OXR1: variants seen among roughly 807,000 people sequenced by gnomAD.
The protein encoded by OXR1 is oxidation resistance 1.
A neutral mutation model predicts 104.6 loss-of-function variants in OXR1; 41 were observed. That is an observed-to-expected ratio of 0.39 (90% CI 0.31 to 0.51). The LOEUF is 0.51. Ranked by LOEUF, OXR1 falls within the 20% of genes least tolerant of loss-of-function variation. The pLI is 0.77. For missense variants in OXR1, 955 were observed against 1,031.9 expected (o/e 0.93, Z 1.02); for synonymous variants, 348 against 348.4 (o/e 1.00, Z 0.01).
chr8:106,303,228 T>G (rs1449727313), intron 1 of OXR1, among the ~76,000 whole-genome samples: 3 of 150,472 alleles, frequency 2.0e-5, no homozygotes, highest in Non-Finnish European at 4.4e-5. Flanking sequence ...TGCCAGGAAC[T>G]TGGCAATTTT....
chr8:106,287,090 C>T (rs12676868), intron 1 of OXR1, among the ~76,000 whole-genome samples: 8 of 151,958 alleles, frequency 5.3e-5, no homozygotes, highest in East Asian at 1.9e-4. Flanking sequence ...ATACCCAATA[C>T]GGTAATAAAA....
chr8:106,320,110 G>A (rs1814153490), intron 1 of OXR1, among the ~76,000 whole-genome samples: 2 of 152,170 alleles, frequency 1.3e-5, no homozygotes, highest in African/African-American at 4.8e-5. Flanking sequence ...ACATCACATA[G>A]CAAGACCAAA....
At chr8:106,592,855 G>A (rs558008793) in intron 3 of OXR1, among the ~76,000 whole-genome samples, 1 of 152,260 alleles carries the variant, frequency 6.6e-6, no homozygotes, top group African/African-American at 2.4e-5. Flanking sequence ...ATGTTGAAAG[G>A]AAAACAGATG....
intron 3 of OXR1, among the ~76,000 whole-genome samples, chr8:106,573,185 A>C (rs1407270670): frequency 6.6e-6 from 1 of 152,160 alleles, no homozygotes; most frequent in African/African-American, 2.4e-5. Flanking sequence ...CCACGTTAGC[A>C]AGGGCAATAT....
At chr8:106,354,261 A>C (rs1264412865) in intron 1 of OXR1, among the ~76,000 whole-genome samples, 1 of 152,160 alleles carries the variant, frequency 6.6e-6, no homozygotes, top group Non-Finnish European at 1.5e-5. Context: ...TTTATGTGAA[A>C]ATAAAAAGGA....
intron 8 of OXR1, among the ~76,000 whole-genome samples, chr8:106,704,387 CTTCTTCTTTTTTTTTTTTT>C (rs1830910102): frequency 1.2e-5 from 1 of 80,840 alleles, no homozygotes; most frequent in Admixed American, 1.4e-4. Flanking sequence ...TTCTTTCTTT[CTTCTTCTTTTTTTTTTTTT>C]TTTTTTTTTT....
chr8:106,693,788 G>A (rs1303407068), intron 7 of OXR1, among the ~76,000 whole-genome samples: 1 of 152,012 alleles, frequency 6.6e-6, no homozygotes, highest in Non-Finnish European at 1.5e-5. Context: ...CTTCTAATCT[G>A]AAAAGAGAAT....
chr8:106,341,390 C>CATATATATATATATAT (rs138432601), intron 1 of OXR1, among the ~76,000 whole-genome samples: 1,477 of 145,868 alleles, frequency 0.01, 18 homozygotes, highest in African/African-American at 0.03. Context: ...AGTCAATCTA[C>CATATATATATATATAT]ATATATATAT....
At chr8:106,679,696 C>T (rs1827958265) in intron 4 of OXR1, among the ~76,000 whole-genome samples, 1 of 151,608 alleles carries the variant, frequency 6.6e-6, no homozygotes, top group African/African-American at 2.4e-5. Context: ...TCCAGTATAA[C>T]CTTCCACATT....
chr8:106,589,912 C>G (rs939712528), intron 3 of OXR1, among the ~76,000 whole-genome samples: 6 of 152,152 alleles, frequency 3.9e-5, no homozygotes, highest in Non-Finnish European at 7.3e-5. Context: ...GGTGACCCGC[C>G]CACCTCAGCC....
At position 106,650,779 on chromosome 8, in the gene OXR1, GT is replaced by G. The variant is rs745766421; in HGVS notation, c.221-28427del. On this transcript the variant is annotated intron_variant, in intron 3 of 16. Transcript: ENST00000517566. ...TGGATAACTACACATACTTCACATTGTTTTCAAAAATTGAAGCATACGACAT... is the reference window on the plus strand; with the variant it reads ...TGGATAACTACACATACTTCACATTGTTTCAAAAATTGAAGCATACGACAT... Among the ~76,000 whole-genome samples the G allele has an allele frequency of 1.4e-4, 21 of 152,126 alleles. No individual in the cohort carries two copies. In the East Asian group the frequency reaches 2.3e-3, roughly 17 times the overall value.
intron 3 of OXR1, among the ~76,000 whole-genome samples, chr8:106,576,494 C>G (rs1053401742): frequency 7.2e-6 from 1 of 137,986 alleles, no homozygotes; most frequent in Non-Finnish European, 1.6e-5. Flanking sequence ...AAGAAAACAT[C>G]AAATAGAGCC....
chr8:106,364,425 C>CA lies in OXR1; in HGVS notation c.23+4795dup, dbSNP rs1295328660. On this transcript the variant is annotated intron_variant, in intron 2 of 16. Coordinates refer to ENST00000517566, the MANE Select transcript of OXR1 (RefSeq NM_001198533.2). ...TGAAACCCCATCTCTACTAAAAATA[C>CA]AAAAAATTTGCATGGATGGTGGCGC... 2.6e-5 allele frequency among the ~76,000 whole-genome samples: 4 copies of CA among 151,990 alleles called. No homozygotes were observed. The East Asian group carries it at 5.8e-4, about 22-fold the overall frequency.
chr8:106,361,073 G>T (rs1283058441), intron 2 of OXR1, among the ~76,000 whole-genome samples: 1 of 152,132 alleles, frequency 6.6e-6, no homozygotes, highest in Non-Finnish European at 1.5e-5. Context: ...GGATATGATT[G>T]TTGCTCCAAA....
intron 2 of OXR1, among the ~76,000 whole-genome samples, chr8:106,465,749 C>T (rs2130661593): frequency 6.6e-6 from 1 of 152,028 alleles, no homozygotes; most frequent in African/African-American, 2.4e-5. Flanking sequence ...ATATGAGAAA[C>T]ATCATGACCT....
chr8:106,572,567 A>G (rs1817545288), intron 3 of OXR1, among the ~76,000 whole-genome samples: 1 of 152,192 alleles, frequency 6.6e-6, no homozygotes, highest in African/African-American at 2.4e-5. Flanking sequence ...TTTTGCTTGG[A>G]AATCTCGTCT....
intron 3 of OXR1, among the ~76,000 whole-genome samples, chr8:106,570,784 A>C (rs1482846203): frequency 6.6e-6 from 1 of 152,182 alleles, no homozygotes; most frequent in East Asian, 1.9e-4. Context: ...CTAAATAGCC[A>C]ACATTCTACT....
At chr8:106,415,493 C>CTG (rs5893788) in intron 2 of OXR1, among the ~76,000 whole-genome samples, 24,972 of 148,892 alleles carry the variant, frequency 0.17, 2,400 homozygotes, top group East Asian at 0.46. Context: ...AATTTTAAGA[C>CTG]TGTGTGTGTG....
chr8:106,544,224 A>G lies in OXR1; in HGVS notation c.220+25085A>G, dbSNP rs1251867048. 2.8e-5 allele frequency among the ~76,000 whole-genome samples: 3 copies of G among 105,556 alleles called. No homozygotes were observed. In the South Asian group the frequency reaches 8.3e-4, roughly 29 times the overall value. The allele number at this position is 105,556 out of a possible 152,430, so 69.2% of individuals were successfully genotyped here. On this transcript the variant is annotated intron_variant, in intron 3 of 16. Transcript: ENST00000517566. ...TTCTTTTTCTTTTTTTTTTTTTTTCATTTATAAGATGGTGTTCTTGTCAAG... is the reference window on the plus strand; with the variant it reads ...TTCTTTTTCTTTTTTTTTTTTTTTCGTTTATAAGATGGTGTTCTTGTCAAG...
Sources: allele counts gnomAD v4.1 joint callset (sites outside exome capture counted in the v4.1 genomes callset), GRCh38; gene constraint gnomAD v4.1.1; transcripts MANE v1.5; gene names NCBI Gene and HGNC (gene_info 2026-07-23, HGNC 2026-07-21).